Variants in ARHGAP32 observed in about 807,000 individuals in gnomAD.
The protein encoded by ARHGAP32 is rho GTPase-activating protein 32.
Under a neutral mutation model 186.5 loss-of-function variants are expected in ARHGAP32, and 51 were observed. The observed-to-expected ratio is 0.27, with a 90% confidence interval of 0.22 to 0.35. The LOEUF is 0.35. Ranked by LOEUF, ARHGAP32 falls within the 10% of genes least tolerant of loss-of-function variation. The pLI is 1.00. For synonymous variants in ARHGAP32, 950 were observed against 964.3 expected (o/e 0.99, Z 0.27); for missense variants, 2,186 against 2,623.5 (o/e 0.83, Z 3.64).
rs555168428 is a variant in ARHGAP32, at chr11:129,020,176, T to A, written c.1045+20752A>T. Among the ~76,000 whole-genome samples the A allele has an allele frequency of 1.2e-3, 184 of 152,158 alleles. 2 individuals are homozygous for A. Among genetic ancestry groups the A allele is most frequent in the Middle Eastern group, 3.4e-3 (1 of 294 alleles). On this transcript the variant is annotated intron_variant, in intron 11 of 22. Coordinates refer to ENST00000682385, the MANE Select transcript of ARHGAP32 (RefSeq NM_001378024.1). ...AAAAAGACATCATTTAAAACGTCAT[T>A]GGAGAACTTTGTCAAAAAAAATTAG...
chr11:129,123,654 T>A lies in ARHGAP32; in HGVS notation c.360-124A>T. ...AAAATATTTCGTAAGCACATGCGCA[T>A]GAGCCACACATATCCGCACAAATCC... is the stretch of plus-strand genomic sequence containing the variant. On this transcript the variant is annotated intron_variant, in intron 4 of 22. Transcript: ENST00000682385. The surrounding 1 kb of genome is among the most constrained non-coding windows in gnomAD (Gnocchi z 4.6). 1 of 848,434 alleles carries A rather than the reference T, an allele frequency of 1.2e-6. No individual in the cohort carries two copies. The highest frequency in any genetic ancestry group is 1.6e-5 in the South Asian group (1 of 62,884). 52.6% of individuals were successfully genotyped at this position (848,434 alleles called of 1,614,324 possible).
chr11:129,015,008 T>A (rs1938266455), intron 11 of ARHGAP32, among the ~76,000 whole-genome samples: 1 of 152,168 alleles, frequency 6.6e-6, no homozygotes, highest in African/African-American at 2.4e-5. Flanking sequence ...TTCACGCTAA[T>A]GAATATGAAG....
intron 11 of ARHGAP32, among the ~76,000 whole-genome samples, chr11:129,023,127 T>C (rs1591540568): frequency 6.6e-6 from 1 of 152,194 alleles, no homozygotes; most frequent in Admixed American, 6.5e-5. Context: ...TATTAAGGGC[T>C]GATTTGTGAT....
intron 5 of ARHGAP32, among the ~76,000 whole-genome samples, chr11:129,109,393 G>T (rs1317300820): frequency 6.6e-6 from 1 of 151,952 alleles, no homozygotes; most frequent in Admixed American, 6.5e-5. Flanking sequence ...ATGGGAGTGT[G>T]GGTATCAATC....
chr11:129,124,465 T>C (rs1942610893), intron 3 of ARHGAP32, among the ~76,000 whole-genome samples: 1 of 152,150 alleles, frequency 6.6e-6, no homozygotes, highest in Admixed American at 6.5e-5. Context: ...TGAAATCTAA[T>C]AATCTCATAA....
At chr11:129,164,545 A>G in intron 1 of ARHGAP32, 118 bp from the exon 2 acceptor site, 1 of 630,488 alleles carries the variant, frequency 1.6e-6, no homozygotes, top group South Asian at 2.1e-5. Context: ...TAGCTAAAAG[A>G]GCTTAACTGA....
intron 3 of ARHGAP32, among the ~76,000 whole-genome samples, chr11:129,124,287 C>T (rs540044): frequency 0.13 from 19,032 of 152,014 alleles, 1,338 homozygotes; most frequent in Non-Finnish European, 0.15. Context: ...TGAACACTCA[C>T]GTAAGGTCAG....
At chr11:129,084,359 A>C (rs900467957) in intron 6 of ARHGAP32, among the ~76,000 whole-genome samples, 2 of 151,858 alleles carry the variant, frequency 1.3e-5, no homozygotes, top group African/African-American at 4.8e-5. Context: ...AAAAAAAAAA[A>C]AAACTACAGA....
rs536212349 is a variant in ARHGAP32 at position 128,986,102 on chromosome 11, A to T, written c.1444-17T>A. The stretch of plus-strand genomic sequence containing the variant: ...AACTGCATCCTAGAAGAGTCACAGT[A>T]CAAAATAAACTAGTGAGCTCTGTTA... On this transcript the variant is annotated splice_polypyrimidine_tract_variant and intron_variant, in intron 14 of 22. Coordinates refer to ENST00000682385, the MANE Select transcript of ARHGAP32 (RefSeq NM_001378024.1). 2 of 1,578,576 alleles carry T rather than the reference A, an allele frequency of 1.3e-6. No individual in the cohort carries two copies. Among genetic ancestry groups the T allele is most frequent in the African/African-American group, 2.7e-5 (2 of 73,576 alleles).
intron 1 of ARHGAP32, among the ~76,000 whole-genome samples, chr11:129,174,923 C>T (rs11221586): frequency 0.27 from 39,127 of 142,542 alleles, 5,663 homozygotes; most frequent in Middle Eastern, 0.39. Context: ...TCACCAGCAA[C>T]GGAACAAAGC....
chr11:129,037,102 C>T (rs1430382623), intron 11 of ARHGAP32, among the ~76,000 whole-genome samples: 4 of 152,048 alleles, frequency 2.6e-5, no homozygotes, highest in Middle Eastern at 3.2e-3. Flanking sequence ...ATTCCCGGTA[C>T]AATAGCATTA....
chr11:128,997,764 A>C (rs1398737179), intron 12 of ARHGAP32, among the ~76,000 whole-genome samples: 3 of 152,218 alleles, frequency 2.0e-5, no homozygotes, highest in African/African-American at 7.2e-5. Flanking sequence ...AAAATTAGCC[A>C]GGTGTGGTGG....
intron 2 of ARHGAP32, among the ~76,000 whole-genome samples, chr11:129,143,018 T>C (rs1489656897): frequency 8.1e-6 from 1 of 123,934 alleles, no homozygotes; most frequent in Non-Finnish European, 1.8e-5. Context: ...GGAAAAAAAT[T>C]TGGCCTCTTA....
intron 1 of ARHGAP32, among the ~76,000 whole-genome samples, chr11:129,246,330 A>G (rs1482743922): frequency 6.6e-6 from 1 of 152,208 alleles, no homozygotes; most frequent in African/African-American, 2.4e-5. Context: ...AGTATCATCA[A>G]ATAAGGGACT....
intron 5 of ARHGAP32, among the ~76,000 whole-genome samples, chr11:129,120,633 ATTATT>A (rs1228874280): frequency 1.3e-5 from 2 of 152,122 alleles, no homozygotes; most frequent in African/African-American, 4.8e-5. Flanking sequence ...AAAGTTAAAG[ATTATT>A]TTGTCTGGAT....
chr11:129,122,181 G>A (rs999088456), intron 5 of ARHGAP32, among the ~76,000 whole-genome samples: 3 of 151,874 alleles, frequency 2.0e-5, no homozygotes, highest in Non-Finnish European at 4.4e-5. Context: ...TAAATCAGAT[G>A]CTTTAGAGAT....
chr11:129,092,261 TG>T (rs1177484060), intron 6 of ARHGAP32, among the ~76,000 whole-genome samples: 1 of 151,974 alleles, frequency 6.6e-6, no homozygotes, highest in Non-Finnish European at 1.5e-5. Context: ...TGTTATGCTT[TG>T]TTCATAAGAA....
chr11:129,185,596 TATA>T (rs1476666914), intron 1 of ARHGAP32, among the ~76,000 whole-genome samples: 6 of 152,012 alleles, frequency 3.9e-5, no homozygotes, highest in South Asian at 2.1e-4. Context: ...AAACTTAAAG[TATA>T]ATAATAATAA....
chr11:129,226,958 G>A (rs896223942), intron 1 of ARHGAP32, among the ~76,000 whole-genome samples: 2 of 152,010 alleles, frequency 1.3e-5, no homozygotes, highest in African/African-American at 4.8e-5. Flanking sequence ...AACTACATAG[G>A]TAAGTATGAA....
Sources: allele counts gnomAD v4.1 joint callset (sites outside exome capture counted in the v4.1 genomes callset), GRCh38; gene constraint gnomAD v4.1.1; non-coding constraint Gnocchi (gnomAD v3.1); transcripts MANE v1.5; gene names NCBI Gene and HGNC (gene_info 2026-07-23, HGNC 2026-07-21).